SLC4A7: variants seen among roughly 807,000 people sequenced by gnomAD.
SLC4A7 encodes sodium bicarbonate cotransporter 3.
In SLC4A7, 51 loss-of-function variants were observed where a neutral mutation model predicts 137.6. The observed-to-expected ratio is 0.37, with a 90% CI of 0.30 to 0.47. The LOEUF is 0.47. Among genes scored for constraint, SLC4A7 ranks in the 20% least tolerant of loss-of-function variants. The pLI, the probability that SLC4A7 is intolerant of heterozygous loss-of-function variation, is 1.00. For synonymous variants in SLC4A7, 542 were observed against 518.6 expected (o/e 1.05, Z -0.61); for missense variants, 1,247 against 1,525.4 (o/e 0.82, Z 3.04).
At chr3:27,449,987 G>T (rs181015164) in intron 2 of SLC4A7, among the ~76,000 whole-genome samples, 339 of 152,204 alleles carry the variant, frequency 2.2e-3, no homozygotes, top group Non-Finnish European at 4.0e-3. Flanking sequence ...ACATTTACTT[G>T]TAACCACAAA....
chr3:27,459,590 G>A (rs1055992642), intron 1 of SLC4A7, among the ~76,000 whole-genome samples: 3 of 151,992 alleles, frequency 2.0e-5, no homozygotes, highest in Admixed American at 2.0e-4. Flanking sequence ...TATGCAAATG[G>A]AAATATATAT....
chr3:27,453,241 A>G (rs1012469080), intron 1 of SLC4A7, among the ~76,000 whole-genome samples: 1 of 152,226 alleles, frequency 6.6e-6, no homozygotes, highest in Admixed American at 6.5e-5. Context: ...CATTCTAATC[A>G]TCATTAACTA....
rs538026605 is a variant in SLC4A7, at chr3:27,376,723, A to G, written c.*41T>C. 22 of 1,146,520 alleles carry G rather than the reference A, an allele frequency of 1.9e-5. No individual in the cohort carries two copies. In the East Asian group the frequency reaches 1.9e-4, roughly 10 times the overall value. 71.0% of individuals were successfully genotyped at this position (1,146,520 alleles called of 1,614,324 possible). A position where few individuals can be genotyped will look rare whatever the true frequency, so the allele number is the denominator to read the frequency against. ...TAGTGACATGATACGCACACATTAC[A>G]TATGTATATATCTATATGTATAATG... On this transcript the variant is annotated 3_prime_UTR_variant, in exon 26 of 26. Transcript: ENST00000454389.
intron 13 of SLC4A7, among the ~76,000 whole-genome samples, chr3:27,405,640 G>A (rs1236079143): frequency 6.6e-6 from 1 of 151,860 alleles, no homozygotes; most frequent in African/African-American, 2.4e-5. Flanking sequence ...AAATCAACAT[G>A]TGACTATCTT....
At chr3:27,477,704 G>A (rs4973730) in intron 1 of SLC4A7, among the ~76,000 whole-genome samples, 78,844 of 151,834 alleles carry the variant, frequency 0.52, 20,712 homozygotes, top group Middle Eastern at 0.59. Flanking sequence ...TCCTGGGTTC[G>A]AGCGATTCTC....
At chr3:27,442,106 C>T (rs888806138) in intron 3 of SLC4A7, among the ~76,000 whole-genome samples, 1 of 151,688 alleles carries the variant, frequency 6.6e-6, no homozygotes, top group African/African-American at 2.4e-5. Flanking sequence ...GAACTCCTGA[C>T]CAGGTGACAA....
intron 1 of SLC4A7, among the ~76,000 whole-genome samples, chr3:27,469,592 T>C (rs549485005): frequency 1.3e-3 from 195 of 152,182 alleles, no homozygotes; most frequent in Non-Finnish European, 2.4e-3. Flanking sequence ...CCTGTCTCTA[T>C]TAAAAATACA....
chr3:27,418,978 A>G (rs2054663118), intron 10 of SLC4A7, among the ~76,000 whole-genome samples: 1 of 152,184 alleles, frequency 6.6e-6, no homozygotes, highest in East Asian at 1.9e-4. Flanking sequence ...TTATCCTAAG[A>G]AAATAATCAT....
At chr3:27,466,643 T>C (rs976073898) in intron 1 of SLC4A7, among the ~76,000 whole-genome samples, 6 of 152,034 alleles carry the variant, frequency 3.9e-5, no homozygotes, top group African/African-American at 1.4e-4. Flanking sequence ...GCCTAGCCAA[T>C]ATGACGGAGC....
chr3:27,421,680 C>CAA lies in SLC4A7; in HGVS notation c.1364_1365dup (p.Val456LeufsTer2), dbSNP rs1240598503. 6.2e-7 allele frequency: 1 copy of CAA among 1,614,078 alleles called. No homozygotes were observed. Among genetic ancestry groups the CAA allele is most frequent in the Non-Finnish European group, 8.5e-7 (1 of 1,179,962 alleles). On this transcript the variant is annotated frameshift_variant, in exon 9 of 26. Coordinates refer to ENST00000454389, the MANE Select transcript of SLC4A7 (RefSeq NM_001321103.2). LOFTEE classifies it high-confidence loss of function. ...AGGAGGACAGCAGGAGCCAGTCTCA[C>CAA]AAATGCAATTATTGGCCTTTCCAAA...
intron 8 of SLC4A7, chr3:27,422,746 C>G: frequency 4.4e-6 from 2 of 455,422 alleles, no homozygotes; most frequent in Non-Finnish European, 8.8e-6. Flanking sequence ...CAACCACTTA[C>G]AGGGCTATCT....
chr3:27,481,990 G>A (rs1332010683), intron 1 of SLC4A7, among the ~76,000 whole-genome samples: 2 of 152,060 alleles, frequency 1.3e-5, no homozygotes, highest in East Asian at 1.9e-4. Context: ...AAAATTAGCC[G>A]AGTATGGTGG....
In SLC4A7 at chr3:27,440,190, A is replaced by C. The variant is rs181871779; in HGVS notation, c.290-2664T>G. On this transcript the variant is annotated intron_variant, in intron 3 of 25. Transcript: ENST00000454389. ...CCAAAATGAGTCTTAGAGGGCTAAAATCACGGTGTTGGCAGGGCTGGTTCC... is the reference window on the plus strand; with the variant it reads ...CCAAAATGAGTCTTAGAGGGCTAAACTCACGGTGTTGGCAGGGCTGGTTCC... 2.0e-5 allele frequency among the ~76,000 whole-genome samples: 3 copies of C among 152,276 alleles called. No homozygotes were observed. The East Asian group carries it at 5.8e-4, about 29-fold the overall frequency.
intron 1 of SLC4A7, among the ~76,000 whole-genome samples, chr3:27,474,584 A>C (rs1229825538): frequency 2.0e-5 from 3 of 151,614 alleles, no homozygotes; most frequent in Non-Finnish European, 4.4e-5. Context: ...GGTGGCGGGC[A>C]CCTGTAATCC....
intron 25 of SLC4A7, among the ~76,000 whole-genome samples, chr3:27,378,425 G>A (rs1486571395): frequency 1.3e-5 from 2 of 152,106 alleles, no homozygotes; most frequent in African/African-American, 2.4e-5. Flanking sequence ...AGAATTTTCT[G>A]AGTATGAATG....
chr3:27,392,490 C>T (rs957874953), intron 20 of SLC4A7, among the ~76,000 whole-genome samples: 3 of 152,130 alleles, frequency 2.0e-5, no homozygotes, highest in Non-Finnish European at 2.9e-5. Context: ...AACAACCTAG[C>T]GTGTCTTTCT....
intron 1 of SLC4A7, among the ~76,000 whole-genome samples, chr3:27,480,207 A>G (rs1012155056): frequency 3.3e-5 from 5 of 152,170 alleles, no homozygotes; most frequent in Non-Finnish European, 7.4e-5. Context: ...AAAACAATTC[A>G]TCAATCTAAC....
At chr3:27,442,289 A>G (rs919049721) in intron 3 of SLC4A7, among the ~76,000 whole-genome samples, 5 of 152,172 alleles carry the variant, frequency 3.3e-5, no homozygotes, top group African/African-American at 9.7e-5. Context: ...TAGATCTTGT[A>G]TATCTTTAGA....
chr3:27,475,350 A>T (rs181967907), intron 1 of SLC4A7, among the ~76,000 whole-genome samples: 1 of 150,928 alleles, frequency 6.6e-6, no homozygotes, highest in Non-Finnish European at 1.5e-5. Context: ...GCCCTACGAG[A>T]TAAGTTTAAT....
Sources: gnomAD v4.1 joint callset for allele counts (sites outside exome capture counted in the v4.1 genomes callset) on GRCh38, gnomAD v4.1.1 for gene constraint, MANE v1.5 for transcripts, NCBI Gene and HGNC (gene_info 2026-07-23, HGNC 2026-07-21) for gene names.